Variants in PAXIP1 observed in about 807,000 individuals in gnomAD.
PAXIP1 encodes the protein PAX-interacting protein 1.
A neutral mutation model predicts 140.6 loss-of-function variants in PAXIP1; 19 were observed. The observed-to-expected ratio is 0.14, with a 90% confidence interval of 0.09 to 0.20. The LOEUF is 0.20. Ranked by LOEUF, PAXIP1 falls within the 10% of genes least tolerant of loss-of-function variation. The pLI is 1.00. For synonymous variants in PAXIP1, 442 were observed against 444.6 expected, an observed-to-expected ratio of 0.99 and a Z score of 0.07; for missense variants, 920 against 1,208.6, an observed-to-expected ratio of 0.76 and a Z score of 3.54.
rs192943215 is a variant in PAXIP1 at position 154,970,082 on chromosome 7, T to C, written c.1075-956A>G. The stretch of plus-strand genomic sequence containing the variant: ...AGTAAGTTATTTTTTTAATATCCTA[T>C]AGGGCACTGAATACAACAAGAGATA... On this transcript the variant is annotated intron_variant, in intron 6 of 20. Transcript: ENST00000404141. Among the ~76,000 whole-genome samples the C allele has an allele frequency of 3.9e-3, 587 of 152,266 alleles. 7 individuals are homozygous for C. The highest frequency in any genetic ancestry group is 0.013 in the African/African-American group (558 of 41,550).
Position 154,993,765 on chromosome 7 carries a change from G to A in PAXIP1, c.221C>T (p.Ser74Phe), listed in dbSNP as rs1810454721. The A allele has an allele frequency of 6.3e-7, 1 of 1,585,266 alleles. No homozygotes were observed. Among genetic ancestry groups the A allele is most frequent in the African/African-American group, 1.4e-5 (1 of 74,008 alleles). The change falls in exon 3 of 21, where the codon TCT becomes TTT. Residue 74 changes from serine (S) to phenylalanine (F), a missense_variant. Coordinates refer to ENST00000404141, the MANE Select transcript of PAXIP1 (RefSeq NM_007349.4). ...EVFDLPVVKP[S>F]WVILSVQCGT... Reference sequence around the variant, plus strand: ...ACACTGAACGGACAGAATCACCCAAGAAGGCTGAAAAAGAAAAGATTAAAT... The same window carrying A: ...ACACTGAACGGACAGAATCACCCAAAAAGGCTGAAAAAGAAAAGATTAAAT...
chr7:154,991,983 TAA>T (rs927430114), intron 3 of PAXIP1, among the ~76,000 whole-genome samples: 1 of 152,046 alleles, frequency 6.6e-6, no homozygotes, highest in Admixed American at 6.6e-5. Context: ...TCCCTGGCTG[TAA>T]AAAAAACTCT....
At chr7:154,972,709 A>G (rs1202460264) in intron 6 of PAXIP1, among the ~76,000 whole-genome samples, 1 of 152,222 alleles carries the variant, frequency 6.6e-6, no homozygotes, top group Non-Finnish European at 1.5e-5. Context: ...ACCCTATGAG[A>G]GAGATCTTTA....
At position 154,959,628 on chromosome 7, in the gene PAXIP1, T is replaced by C. The variant is rs11972199; in HGVS notation, c.2478+262A>G. On this transcript the variant is annotated intron_variant, in intron 13 of 20. Coordinates refer to ENST00000404141, the MANE Select transcript of PAXIP1 (RefSeq NM_007349.4). ...CCCAACTCAGGACACTATGAAAACATTCCCCTCATCAAGAGACCCGGGACT... is the reference window on the plus strand; with the variant it reads ...CCCAACTCAGGACACTATGAAAACACTCCCCTCATCAAGAGACCCGGGACT... 9.4e-3 allele frequency among the ~76,000 whole-genome samples: 1,431 copies of C among 152,160 alleles called. 25 individuals carry two copies. Among genetic ancestry groups the C allele is most frequent in the African/African-American group, 0.031 (1,291 of 41,508 alleles).
At chr7:154,948,785 T>TA (rs1159177376) in intron 16 of PAXIP1, 1 of 151,542 alleles carries the variant, frequency 6.6e-6, no homozygotes, top group African/African-American at 2.4e-5. Flanking sequence ...ATGTTATATA[T>TA]ATACACTAAC....
At chr7:154,978,372 T>C (rs1809695512) in intron 5 of PAXIP1, among the ~76,000 whole-genome samples, 1 of 152,188 alleles carries the variant, frequency 6.6e-6, no homozygotes, top group African/African-American at 2.4e-5. Flanking sequence ...AGGCTTCATA[T>C]CTCTAACTAC....
rs763378535 is a variant in PAXIP1, at chr7:154,963,723, C to G, written c.1937G>C (p.Ser646Thr). The G allele has an allele frequency of 6.2e-7, 1 of 1,613,650 alleles. No individual in the cohort carries two copies. The highest frequency in any genetic ancestry group is 8.5e-7 in the Non-Finnish European group (1 of 1,179,786). ...HGGTVDPTFT[S>T]RCTHLLCESQ... ...CTCACAGAGAAGGTGCGTGCATCGACTCGTGAAGGTGGGGTCAACAGTGCC... is the reference window on the plus strand; with the variant it reads ...CTCACAGAGAAGGTGCGTGCATCGAGTCGTGAAGGTGGGGTCAACAGTGCC... Residue 646 changes from serine to threonine, a missense_variant, in exon 9 of 21, where the codon AGT (serine) becomes ACT (threonine). Transcript: ENST00000404141. This position sits in a 1 kb window ranked among gnomAD's most constrained non-coding sequence, Gnocchi z 4.1.
chr7:154,959,322 T>TA (rs913619851), intron 13 of PAXIP1, among the ~76,000 whole-genome samples: 7 of 151,794 alleles, frequency 4.6e-5, no homozygotes, highest in Non-Finnish European at 7.4e-5. Context: ...TGGCCAACAG[T>TA]AAAAAAAACT....
chr7:154,988,355 T>G (rs901736479), intron 4 of PAXIP1, among the ~76,000 whole-genome samples: 1 of 152,210 alleles, frequency 6.6e-6, no homozygotes, highest in Non-Finnish European at 1.5e-5. Flanking sequence ...CCATCCTTCC[T>G]AAGCTCATAG....
chr7:154,977,155 G>A (rs1399857698), intron 5 of PAXIP1, among the ~76,000 whole-genome samples: 1 of 152,168 alleles, frequency 6.6e-6, no homozygotes, highest in Non-Finnish European at 1.5e-5. Flanking sequence ...CAAGCTAACA[G>A]AGACCTCTCC....
Position 154,946,442 on chromosome 7 carries a change from CAG to C in PAXIP1, c.3134-19_3134-18del, listed in dbSNP as rs779120651. ...TGTGAACATCTGAACAGGGTGGAAA[CAG>C]ACACTTTAGTTAGAGATCCACTGCT... On this transcript the variant is annotated intron_variant, in intron 19 of 20. Transcript: ENST00000404141. This position sits in a 1 kb window ranked among gnomAD's most constrained non-coding sequence, Gnocchi z 4.9. 1.1e-4 allele frequency: 175 copies of C among 1,612,690 alleles called. No individual in the cohort carries two copies. Among genetic ancestry groups the C allele is most frequent in the Admixed American group, 4.2e-4 (25 of 59,990 alleles).
At position 154,980,043 on chromosome 7, in the gene PAXIP1, G is replaced by A. The variant is rs115655112; in HGVS notation, c.438+3176C>T. Reference sequence around the variant, plus strand: ...ATTGTATTTGTCACAAAAGCTGGCTGGAAGGAAATGGTTGAGGGAATGCTA... The same window carrying A: ...ATTGTATTTGTCACAAAAGCTGGCTAGAAGGAAATGGTTGAGGGAATGCTA... On this transcript the variant is annotated intron_variant, in intron 5 of 20. Transcript: ENST00000404141. 3.8e-3 allele frequency among the ~76,000 whole-genome samples: 579 copies of A among 152,280 alleles called. 5 individuals carry two copies. Among genetic ancestry groups the A allele is most frequent in the African/African-American group, 0.013 (555 of 41,556 alleles).
chr7:154,961,431 CA>C, intron 11 of PAXIP1, 95 bp downstream of exon 11: 1 of 1,023,054 alleles, frequency 9.8e-7, no homozygotes, highest in Non-Finnish European at 1.4e-6. Flanking sequence ...ATTTCTACCA[CA>C]AAACTATGAC....
At chr7:154,979,080 A>G (rs1432743472) in intron 5 of PAXIP1, among the ~76,000 whole-genome samples, 1 of 152,226 alleles carries the variant, frequency 6.6e-6, no homozygotes, top group Non-Finnish European at 1.5e-5. Flanking sequence ...AACTGTTTAA[A>G]CAAAGATGAT....
intron 6 of PAXIP1, among the ~76,000 whole-genome samples, 182 bp from the exon 7 acceptor site, chr7:154,969,308 AAT>A (rs1563373476): frequency 6.6e-6 from 1 of 152,248 alleles, no homozygotes; most frequent in Non-Finnish European, 1.5e-5. Context: ...TTGTAACGCC[AAT>A]ATCGTAAAGT....
Position 154,944,170 on chromosome 7 carries a change from C to T in PAXIP1, c.3195-6G>A. ...GCCATCAGTTAAACTTATATGTAGG[C>T]TTGTTGAGGAAAACGACTTTCAAAC... is the stretch of plus-strand genomic sequence containing the variant. On this transcript the variant is annotated splice_polypyrimidine_tract_variant and splice_region_variant and intron_variant, in intron 20 of 20. Transcript: ENST00000404141. The T allele has an allele frequency of 6.3e-7, 1 of 1,599,444 alleles. No individual in the cohort carries two copies. The highest frequency in any genetic ancestry group is 8.5e-7 in the Non-Finnish European group (1 of 1,170,870).
chr7:154,944,050 G>A lies in PAXIP1; in HGVS notation c.*99C>T. The A allele has an allele frequency of 8.9e-7, 1 of 1,124,114 alleles. No individual in the cohort carries two copies. Among genetic ancestry groups the A allele is most frequent in the Non-Finnish European group, 1.3e-6 (1 of 746,710 alleles). The allele number at this position is 1,124,114 out of a possible 1,614,324, so 69.6% of individuals were successfully genotyped here. A position where few individuals can be genotyped will look rare whatever the true frequency, so the allele number is the denominator to read the frequency against. ...AGTCTGATCCCCCAGGAAAGCAGCT[G>A]GAAAACAAGAGCATGTGAAGGAAGC... is the stretch of plus-strand genomic sequence containing the variant. On this transcript the variant is annotated 3_prime_UTR_variant, in exon 21 of 21. Transcript: ENST00000404141.
intron 11 of PAXIP1, 150 bp from the exon 12 acceptor site, chr7:154,961,227 T>C (rs1022306076): frequency 7.4e-6 from 5 of 671,682 alleles, no homozygotes; most frequent in Non-Finnish European, 1.2e-5. Context: ...TGACCCTGAA[T>C]GGTAATGAAA....
At chr7:154,983,538 G>C (rs1304623238) in intron 4 of PAXIP1, 2 of 392,260 alleles carry the variant, frequency 5.1e-6, no homozygotes, top group Non-Finnish European at 9.0e-6. Flanking sequence ...TTACATATAT[G>C]AATTACTTAT....
Sources: gnomAD v4.1 joint callset for allele counts (sites outside exome capture counted in the v4.1 genomes callset) on GRCh38, gnomAD v4.1.1 for gene constraint, Gnocchi (gnomAD v3.1) non-coding constraint, MANE v1.5 for transcripts, NCBI Gene and HGNC (gene_info 2026-07-23, HGNC 2026-07-21) for gene names.